Variants in SHTN1 observed in about 807,000 individuals in gnomAD.
SHTN1 encodes shootin-1.
Under a neutral mutation model 83.1 loss-of-function variants are expected in SHTN1, and 42 were observed. The ratio of observed to expected loss-of-function variants is 0.51; its 90% CI spans 0.39 to 0.65. The LOEUF (loss-of-function observed/expected upper bound fraction) is 0.65, where lower values mean the gene tolerates loss of function less well. Among genes scored for constraint, SHTN1 ranks in the 30% least tolerant of loss-of-function variants. The pLI is 0.00. For missense variants in SHTN1, 622 were observed against 737.8 expected, an observed-to-expected ratio of 0.84 and a Z score of 1.82; for synonymous variants, 224 against 247.7, an observed-to-expected ratio of 0.90 and a Z score of 0.90.
Position 116,968,711 on chromosome 10 carries a change from C to T in SHTN1, c.113G>A (p.Cys38Tyr), listed in dbSNP as rs994232475. ...ATCTCGTTCTTGCCTAATTTTGTCA[C>T]ACTGAAATGAGAGAAGTAAACAAAT... Reference protein sequence around the residue: ...RAENQKTKEKCDKIRQERDEA... With the variant: ...RAENQKTKEKYDKIRQERDEA... The change falls in exon 3 of 17, where the codon TGT (cysteine) becomes TAT (tyrosine). Residue 38 changes from cysteine to tyrosine, a missense_variant and splice_region_variant. Transcript: ENST00000355371. The T allele has an allele frequency of 1.2e-6, 2 of 1,610,292 alleles. No individual in the cohort carries two copies. Among genetic ancestry groups the T allele is most frequent in the African/African-American group, 1.3e-5 (1 of 74,820 alleles).
chr10:116,905,355 C>A (rs1847929659), intron 15 of SHTN1, among the ~76,000 whole-genome samples: 1 of 152,078 alleles, frequency 6.6e-6, no homozygotes, highest in Non-Finnish European at 1.5e-5. Flanking sequence ...ACAAAACCAT[C>A]CTAAGAAAAA....
chr10:116,986,141 C>T (rs1488837728), intron 1 of SHTN1, among the ~76,000 whole-genome samples: 1 of 152,166 alleles, frequency 6.6e-6, no homozygotes, highest in Non-Finnish European at 1.5e-5. Flanking sequence ...AACTGAGTAT[C>T]TTTAAAATAC....
upstream of SHTN1, chr10:117,005,354 C>G (rs906629023): frequency 4.0e-6 from 5 of 1,257,160 alleles, no homozygotes; most frequent in Non-Finnish European, 5.0e-6. Flanking sequence ...TCGGCAGCCG[C>G]TATGCCAGCC....
intron 16 of SHTN1, among the ~76,000 whole-genome samples, chr10:116,891,001 T>A (rs1847327276): frequency 6.6e-6 from 1 of 152,234 alleles, no homozygotes; most frequent in African/African-American, 2.4e-5. Context: ...ACATTTCGGC[T>A]GCAATTCAAA....
chr10:116,923,009 C>A (rs966045284), intron 11 of SHTN1, among the ~76,000 whole-genome samples: 1 of 151,712 alleles, frequency 6.6e-6, no homozygotes, highest in Non-Finnish European at 1.5e-5. Context: ...GTAAAAAGAG[C>A]AAGATCACAA....
intron 2 of SHTN1, among the ~76,000 whole-genome samples, chr10:117,039,519 T>C (rs1852551899): frequency 6.6e-6 from 1 of 152,126 alleles, no homozygotes; most frequent in Non-Finnish European, 1.5e-5. Context: ...TGTAGGTTCA[T>C]TAATTGTAAT....
At chr10:116,921,346 T>A (rs1848557379) in intron 12 of SHTN1, 88 bp downstream of exon 12, 1 of 897,240 alleles carries the variant, frequency 1.1e-6, no homozygotes, top group Admixed American at 2.1e-5. Context: ...CCCAACAACA[T>A]GTTTATAGTC....
chr10:117,027,071 A>G (rs1314254789), intron 2 of SHTN1, among the ~76,000 whole-genome samples: 1 of 152,220 alleles, frequency 6.6e-6, no homozygotes, highest in Admixed American at 6.5e-5. Flanking sequence ...GTAAGGGAAG[A>G]AAACAAGAGT....
intron 2 of SHTN1, among the ~76,000 whole-genome samples, chr10:117,011,865 G>A (rs1852109178): frequency 6.6e-6 from 1 of 152,142 alleles, no homozygotes; most frequent in South Asian, 2.1e-4. Flanking sequence ...CTCAGGCGGG[G>A]CGCGGTGGCT....
At chr10:116,995,927 C>A (rs1424756239) in intron 1 of SHTN1, among the ~76,000 whole-genome samples, 22 of 152,120 alleles carry the variant, frequency 1.4e-4, no homozygotes, top group Admixed American at 1.4e-3. Context: ...ACTATAGGCA[C>A]AATCTGATGT....
chr10:116,934,511 T>G (rs1849084067), intron 9 of SHTN1, among the ~76,000 whole-genome samples: 1 of 152,180 alleles, frequency 6.6e-6, no homozygotes, highest in African/African-American at 2.4e-5. Flanking sequence ...GCCTCTGCTA[T>G]GTTCCTTTGG....
chr10:117,051,787 A>T (rs1029814868), intron 1 of SHTN1, among the ~76,000 whole-genome samples: 5 of 151,670 alleles, frequency 3.3e-5, no homozygotes, highest in African/African-American at 1.2e-4. Flanking sequence ...GACATTCATG[A>T]AAGACCTACA....
Position 116,948,923 on chromosome 10 carries a change from G to T in SHTN1, c.609C>A (p.Cys203Ter). 1 of 1,569,796 alleles carries T rather than the reference G, an allele frequency of 6.4e-7. No individual in the cohort carries two copies. Among genetic ancestry groups the T allele is most frequent in the Non-Finnish European group, 8.6e-7 (1 of 1,159,100 alleles). Residue 203 changes from cysteine (C) to a stop codon, truncating the protein, a stop_gained, in exon 7 of 17, where the codon TGC becomes TGA. Transcript: ENST00000355371. LOFTEE classifies it high-confidence loss of function. ...VLEQRKVLEK[C>*]NRVSMLAVEE... ...AAGACTGGACAGACTTACCTCTATT[G>T]CATTTTTCTAAGACTTTTCTCTGTT...
At chr10:116,914,545 C>A (rs530709249) in intron 13 of SHTN1, among the ~76,000 whole-genome samples, 8,352 of 151,390 alleles carry the variant, frequency 0.055, 729 homozygotes, top group African/African-American at 0.18. Context: ...GACGTTCACA[C>A]GGTTGAGGTA....
chr10:116,958,585 A>G (rs7091456), intron 4 of SHTN1, among the ~76,000 whole-genome samples: 146,084 of 152,250 alleles, frequency 0.96, 70,385 homozygotes, highest in East Asian at 1. Flanking sequence ...TCTAGAGCCA[A>G]TGGATCTGGG....
chr10:117,106,088 C>T (rs915667301), intron 1 of SHTN1, among the ~76,000 whole-genome samples: 3 of 151,940 alleles, frequency 2.0e-5, no homozygotes, highest in Admixed American at 6.6e-5. Context: ...CCAGCCTGGG[C>T]GACAGAGACA....
At chr10:116,896,073 T>C (rs1444992618) in intron 16 of SHTN1, among the ~76,000 whole-genome samples, 1 of 152,160 alleles carries the variant, frequency 6.6e-6, no homozygotes, top group Admixed American at 6.5e-5. Flanking sequence ...TCCTCTTAGA[T>C]GGATATTATT....
At chr10:116,933,541 C>A (rs1245119469) in intron 9 of SHTN1, among the ~76,000 whole-genome samples, 1 of 152,122 alleles carries the variant, frequency 6.6e-6, no homozygotes, top group Non-Finnish European at 1.5e-5. Flanking sequence ...TGTATATGTG[C>A]CACATTTTCT....
At chr10:117,111,091 G>A (rs377669409) in intron 1 of SHTN1, among the ~76,000 whole-genome samples, 6 of 151,694 alleles carry the variant, frequency 4.0e-5, no homozygotes, top group East Asian at 2.0e-4. Context: ...CCAGCTACTC[G>A]GGAGGCTGAG....
Sources: gnomAD v4.1 joint callset for allele counts (sites outside exome capture counted in the v4.1 genomes callset) on GRCh38, gnomAD v4.1.1 for gene constraint, MANE v1.5 for transcripts, NCBI Gene and HGNC (gene_info 2026-07-23, HGNC 2026-07-21) for gene names.